The following PER2 variants were observed in gnomAD, a reference collection of about 807,000 sequenced individuals.
The protein encoded by PER2 is period circadian protein homolog 2.
A neutral mutation model predicts 121.0 loss-of-function variants in PER2; 66 were observed. That is an observed-to-expected ratio of 0.55 (90% CI 0.45 to 0.67). The LOEUF (loss-of-function observed/expected upper bound fraction) is 0.67. Among genes scored for constraint, PER2 ranks in the 30% least tolerant of loss-of-function variants. The pLI is 0.00. For synonymous variants in PER2, 684 were observed against 659.9 expected (o/e 1.04, Z -0.56); for missense variants, 1,521 against 1,635.0 (o/e 0.93, Z 1.20).
intron 8 of PER2, among the ~76,000 whole-genome samples, chr2:238,266,049 G>A (rs1236700742): frequency 4.6e-5 from 7 of 151,996 alleles, no homozygotes; most frequent in Middle Eastern, 3.2e-3. Flanking sequence ...GACTACAGGC[G>A]TGTGCCACCA....
chr2:238,278,940 C>T (rs1256317918), intron 1 of PER2, among the ~76,000 whole-genome samples: 1 of 152,190 alleles, frequency 6.6e-6, no homozygotes, highest in Non-Finnish European at 1.5e-5. Context: ...GCTTGCACTG[C>T]TGTGCTGGTC....
intron 11 of PER2, 27 bp from the exon 12 acceptor site, chr2:238,261,864 G>A: frequency 6.6e-7 from 1 of 1,518,526 alleles, no homozygotes; most frequent in Non-Finnish European, 9.0e-7. Context: ...CATCTTGTTA[G>A]ATGGGGCCCC....
At position 238,244,660 on chromosome 2, in the gene PER2, T is replaced by TC. The variant is rs1045036481; in HGVS notation, c.*1714_*1715insG. The stretch of plus-strand genomic sequence containing the variant: ...AAAAATTAAAGTGTTCTTGTGTTTA[T>TC]GAAGAATAGGTTTAATAGTCAGGCA... On this transcript the variant is annotated 3_prime_UTR_variant, in exon 23 of 23. Coordinates refer to ENST00000254657, the MANE Select transcript of PER2 (RefSeq NM_022817.3). 6.6e-6 allele frequency: 1 copy of TC among 152,192 alleles called. No individual in the cohort carries two copies. Among genetic ancestry groups the TC allele is most frequent in the African/African-American group, 2.4e-5 (1 of 41,448 alleles). The allele number at this position is 152,192 out of a possible 1,614,324, so 9.4% of individuals were successfully genotyped here.
intron 10 of PER2, 42 bp downstream of exon 10, chr2:238,262,910 T>G: frequency 7.3e-7 from 1 of 1,376,562 alleles, no homozygotes; most frequent in Non-Finnish European, 1.0e-6. Context: ...CACAGGAACT[T>G]CCGCCAAACA....
chr2:238,287,990 G>A (rs1331143268), intron 1 of PER2, among the ~76,000 whole-genome samples: 1 of 152,160 alleles, frequency 6.6e-6, no homozygotes, highest in Non-Finnish European at 1.5e-5. Context: ...TCCAGGGGAG[G>A]CAAAGGGGCG....
chr2:238,257,103 G>A lies in PER2; in HGVS notation c.1901-17C>T. 2 of 1,608,360 alleles carry A rather than the reference G, an allele frequency of 1.2e-6. No individual in the cohort carries two copies. The highest frequency in any genetic ancestry group is 1.7e-6 in the Non-Finnish European group (2 of 1,179,428). On this transcript the variant is annotated splice_polypyrimidine_tract_variant and intron_variant, in intron 16 of 22. Transcript: ENST00000254657. Reference sequence around the variant, plus strand: ...GCTCTGCCTCTTCATGAGAGGAAGGGGGAACAAACATTAGTGTGTCATTAC... The same window carrying A: ...GCTCTGCCTCTTCATGAGAGGAAGGAGGAACAAACATTAGTGTGTCATTAC...
In PER2 at chr2:238,253,689, T is replaced by C; in HGVS notation, c.2334A>G (p.Leu778=). The C allele has an allele frequency of 6.2e-7, 1 of 1,605,534 alleles. No individual in the cohort carries two copies. The highest frequency in any genetic ancestry group is 8.5e-7 in the Non-Finnish European group (1 of 1,175,170). ...GQPSERTAPG[L]RNTSGIDSPW... The stretch of plus-strand genomic sequence containing the variant: ...GTGAATCTATTCCGGAAGTATTTCT[T>C]AGTCCAGGGGCAGCTAATGCAGAAA... Residue 778 remains leucine (L), a synonymous_variant, in exon 19 of 23, where the codon CTA becomes CTG. Transcript: ENST00000254657. This position sits in a 1 kb window ranked among gnomAD's most constrained non-coding sequence, Gnocchi z 5.6.
chr2:238,264,599 A>G (rs1188007351), intron 9 of PER2, among the ~76,000 whole-genome samples: 2 of 152,122 alleles, frequency 1.3e-5, no homozygotes, highest in Admixed American at 1.3e-4. Flanking sequence ...CTTTTCGGTG[A>G]CTACTGCCAG....
Position 238,250,537 on chromosome 2 carries a change from C to CG in PER2, c.3467+13dup. On this transcript the variant is annotated intron_variant, in intron 21 of 22. Coordinates refer to ENST00000254657, the MANE Select transcript of PER2 (RefSeq NM_022817.3). The stretch of plus-strand genomic sequence containing the variant: ...ATCCCTCCCCAGGTGCCTAGGAAAA[C>CG]GCTGGGTGGTTACCGGGAAGGCAGC... 1 of 1,602,338 alleles carries CG rather than the reference C, an allele frequency of 6.2e-7. No homozygotes were observed. The highest frequency in any genetic ancestry group is 8.5e-7 in the Non-Finnish European group (1 of 1,172,574).
rs536212748 is a variant in PER2 at position 238,277,652 on chromosome 2, G to A, written c.230+55C>T. ...AAAGCAATCAAATCACAGCAGAAAT[G>A]AGCCACTGAGAAAACAACCTGCCCA... is the stretch of plus-strand genomic sequence containing the variant. On this transcript the variant is annotated intron_variant, in intron 2 of 22. Transcript: ENST00000254657. The A allele has an allele frequency of 1.1e-5, 17 of 1,595,054 alleles. No individual in the cohort carries two copies. The African/African-American group carries it at 1.3e-4, about 13-fold the overall frequency.
At position 238,268,283 on chromosome 2, in the gene PER2, G is replaced by T; in HGVS notation, c.825-85C>A. On this transcript the variant is annotated intron_variant, in intron 7 of 22. Transcript: ENST00000254657. The surrounding 1 kb of genome is among the most constrained non-coding windows in gnomAD (Gnocchi z 4.0). ...TGTTCCCTCCTCACCTGGGCCCCAT[G>T]CCATGCTGCAGGTGATGTGTACCTC... 1 of 1,404,950 alleles carries T rather than the reference G, an allele frequency of 7.1e-7. No individual in the cohort carries two copies. Among genetic ancestry groups the T allele is most frequent in the African/African-American group, 1.4e-5 (1 of 70,964 alleles). The allele number at this position is 1,404,950 out of a possible 1,614,324, so 87.0% of individuals were successfully genotyped here.
intron 9 of PER2, among the ~76,000 whole-genome samples, chr2:238,264,012 G>T (rs1465622373): frequency 6.6e-6 from 1 of 151,558 alleles, no homozygotes; most frequent in Non-Finnish European, 1.5e-5. Flanking sequence ...AGCAGAAAGG[G>T]GGTGGAGGGT....
Position 238,245,052 on chromosome 2 carries a change from A to AAAAAG in PER2, c.*1322_*1323insCTTTT, listed in dbSNP as rs1695409353. ...AAAAGAAACTCCATCTAAAAAAAAA[A>AAAAAG]AAAAAAAAAAAAAAAAAAGAAAACC... On this transcript the variant is annotated 3_prime_UTR_variant, in exon 23 of 23. Transcript: ENST00000254657. 1 of 149,206 alleles carries AAAAAG rather than the reference A, an allele frequency of 6.7e-6. No homozygotes were observed. Among genetic ancestry groups the AAAAAG allele is most frequent in the African/African-American group, 2.5e-5 (1 of 40,298 alleles). 9.2% of individuals were successfully genotyped at this position (149,206 alleles called of 1,614,324 possible).
At chr2:238,279,463 G>A (rs1696565720) in intron 1 of PER2, among the ~76,000 whole-genome samples, 1 of 152,192 alleles carries the variant, frequency 6.6e-6, no homozygotes, top group Non-Finnish European at 1.5e-5. Context: ...GCCGGCATCT[G>A]AAGATGGGAC....
chr2:238,258,843 G>T (rs1019764350), intron 14 of PER2, among the ~76,000 whole-genome samples, 199 bp from the exon 15 acceptor site: 52 of 148,762 alleles, frequency 3.5e-4, no homozygotes, highest in African/African-American at 1.3e-3. Flanking sequence ...AGAGAGACCT[G>T]GGGGGGGAGC....
Position 238,260,921 on chromosome 2 carries a change from C to A in PER2, c.1449G>T (p.Gly483=), listed in dbSNP as rs1399080243. ...CGTGGGACCCGTTGCTGCCCAGACT[C>A]CCGTAGCCACTGGAGCCGCTGTGGG... ...PVPHSGSSGY[G]SLGSNGSHEH... Residue 483 remains glycine, a synonymous_variant, in exon 13 of 23, where the codon GGG becomes GGT. Coordinates refer to ENST00000254657, the MANE Select transcript of PER2 (RefSeq NM_022817.3). The A allele has an allele frequency of 1.9e-6, 3 of 1,613,200 alleles. No homozygotes were observed. The African/African-American group carries it at 4.0e-5, about 22-fold the overall frequency.
chr2:238,269,689 CAACT>C (rs1423301080), intron 6 of PER2, among the ~76,000 whole-genome samples: 6 of 151,794 alleles, frequency 4.0e-5, no homozygotes, highest in Non-Finnish European at 5.9e-5. Context: ...GCAAACACAC[CAACT>C]AACCTACAAC....
At chr2:238,254,897 G>T (rs964673508) in intron 18 of PER2, 1 of 152,222 alleles carries the variant, frequency 6.6e-6, no homozygotes, top group African/African-American at 2.4e-5. Flanking sequence ...CCCTTGGTGC[G>T]TCTGCCCAGA....
chr2:238,277,944 T>G lies in PER2; in HGVS notation c.-8A>C, dbSNP rs1184862493. On this transcript the variant is annotated 5_prime_UTR_variant, in exon 2 of 23. Coordinates refer to ENST00000254657, the MANE Select transcript of PER2 (RefSeq NM_022817.3). ...TTCCGCGTATCCATTCATGCTGGGC[T>G]CTGGAACGAAGCTGGCAAACAGAGG... is the stretch of plus-strand genomic sequence containing the variant. 6.2e-7 allele frequency: 1 copy of G among 1,612,924 alleles called. No homozygotes were observed. The highest frequency in any genetic ancestry group is 8.5e-7 in the Non-Finnish European group (1 of 1,179,842).
Sources: gnomAD v4.1 joint callset for allele counts (sites outside exome capture counted in the v4.1 genomes callset) on GRCh38, gnomAD v4.1.1 for gene constraint, Gnocchi (gnomAD v3.1) non-coding constraint, MANE v1.5 for transcripts, NCBI Gene and HGNC (gene_info 2026-07-23, HGNC 2026-07-21) for gene names.